Variants in KCNMA1 observed in about 807,000 individuals in gnomAD.
KCNMA1 encodes the protein Calcium-activated potassium channel subunit alpha-1.
Under a neutral mutation model 140.0 loss-of-function variants are expected in KCNMA1, and 29 were observed. The ratio of observed to expected loss-of-function variants is 0.21; its 90% confidence interval spans 0.15 to 0.28. The LOEUF (loss-of-function observed/expected upper bound fraction) is 0.28, where lower values mean the gene tolerates loss of function less well. Among genes scored for constraint, KCNMA1 ranks in the 10% least tolerant of loss-of-function variants. The probability of loss-of-function intolerance (pLI) is 1.00; values close to 1 mark genes in which losing one functional copy is unlikely to be tolerated. For synonymous variants in KCNMA1, 612 were observed against 611.9 expected (o/e 1.00, Z 0.00); for missense variants, 880 against 1,602.2 (o/e 0.55, Z 7.70).
At chr10:77,012,698 T>A (rs11001968) in intron 17 of KCNMA1, 2 of 689,102 alleles carry the variant, frequency 2.9e-6, no homozygotes, top group African/African-American at 1.8e-5. Flanking sequence ...CACTAAATGA[T>A]GGTTTTCTTC....
intron 21 of KCNMA1, among the ~76,000 whole-genome samples, chr10:76,950,970 C>T (rs2066033870): frequency 6.6e-6 from 1 of 152,196 alleles, no homozygotes; most frequent in Admixed American, 6.5e-5. Flanking sequence ...CACGGAAGTG[C>T]AAGTGCCTGG....
intron 2 of KCNMA1, among the ~76,000 whole-genome samples, chr10:77,331,346 C>A (rs586676): frequency 0.81 from 123,245 of 152,034 alleles, 50,064 homozygotes; most frequent in Middle Eastern, 0.9. Context: ...TGATGGCAAC[C>A]ATGGGTCAGT....
chr10:77,176,820 T>C (rs1053404355), intron 5 of KCNMA1, among the ~76,000 whole-genome samples: 2 of 152,106 alleles, frequency 1.3e-5, no homozygotes, highest in Admixed American at 1.3e-4. Context: ...GACCTGTGAA[T>C]ATGGTCATCT....
chr10:77,105,263 G>A (rs1401978601), intron 9 of KCNMA1, among the ~76,000 whole-genome samples: 2 of 152,154 alleles, frequency 1.3e-5, no homozygotes, highest in Admixed American at 6.5e-5. Context: ...TGGTGAAGAG[G>A]CTTTGAGAAT....
At chr10:77,566,575 C>T (rs191909035) in intron 1 of KCNMA1, among the ~76,000 whole-genome samples, 393 of 152,242 alleles carry the variant, frequency 2.6e-3, no homozygotes, top group Admixed American at 5.2e-3. Context: ...CCATTTCCCC[C>T]GCAAAGGTGG....
intron 20 of KCNMA1, among the ~76,000 whole-genome samples, chr10:76,962,204 G>A (rs374898582): frequency 1.8e-4 from 27 of 152,278 alleles, no homozygotes; most frequent in East Asian, 7.7e-4. Flanking sequence ...CAGTTCCTTC[G>A]GTGGCACTGG....
intron 2 of KCNMA1, among the ~76,000 whole-genome samples, chr10:77,271,276 C>T (rs1395770728): frequency 2.0e-5 from 3 of 152,230 alleles, no homozygotes; most frequent in Non-Finnish European, 4.4e-5. Flanking sequence ...GGGTACCATA[C>T]TGGGCAGACT....
chr10:77,619,726 G>A (rs2090805104), intron 1 of KCNMA1, among the ~76,000 whole-genome samples: 1 of 152,152 alleles, frequency 6.6e-6, no homozygotes, highest in South Asian at 2.1e-4. Flanking sequence ...GAGGAGACAG[G>A]ATGCCTGTAT....
downstream of KCNMA1, among the ~76,000 whole-genome samples, chr10:76,882,219 C>G (rs555838976): frequency 6.6e-6 from 1 of 152,148 alleles, no homozygotes; most frequent in African/African-American, 2.4e-5. Flanking sequence ...CACAGTACTC[C>G]CTTGAGAAGA....
chr10:76,925,544 T>C (rs1007725679), intron 23 of KCNMA1, among the ~76,000 whole-genome samples: 2 of 152,306 alleles, frequency 1.3e-5, no homozygotes, highest in Middle Eastern at 3.4e-3. Flanking sequence ...ACATCAATTT[T>C]TTTCTCCCCT....
chr10:76,952,315 T>C (rs927413603), intron 21 of KCNMA1, among the ~76,000 whole-genome samples: 1 of 151,980 alleles, frequency 6.6e-6, no homozygotes, highest in Non-Finnish European at 1.5e-5. Context: ...GCTCAAGAAA[T>C]CGAGACCATC....
intron 1 of KCNMA1, among the ~76,000 whole-genome samples, chr10:77,521,785 T>G (rs955441896): frequency 1.4e-4 from 22 of 152,120 alleles, no homozygotes; most frequent in African/African-American, 5.3e-4. Context: ...TCTCACCCCA[T>G]CTCCCAACAC....
intron 1 of KCNMA1, among the ~76,000 whole-genome samples, chr10:77,519,886 C>T (rs900636425): frequency 6.7e-6 from 1 of 149,870 alleles, no homozygotes; most frequent in African/African-American, 2.5e-5. Context: ...ATGAGGTCTG[C>T]AGTATGCAGT....
intron 23 of KCNMA1, among the ~76,000 whole-genome samples, chr10:76,934,992 C>T (rs1234678919): frequency 4.6e-5 from 7 of 152,260 alleles, no homozygotes; most frequent in South Asian, 4.1e-4. Flanking sequence ...CTTACAGCTC[C>T]GAAGTCCCAT....
intron 23 of KCNMA1, among the ~76,000 whole-genome samples, chr10:76,942,515 T>G (rs879094072): frequency 6.6e-6 from 1 of 152,224 alleles, no homozygotes; most frequent in Non-Finnish European, 1.5e-5. Context: ...CCATATCTCC[T>G]GTCAAAACCT....
chr10:77,596,197 C>A (rs949060600), intron 1 of KCNMA1, among the ~76,000 whole-genome samples: 6 of 152,134 alleles, frequency 3.9e-5, no homozygotes, highest in African/African-American at 1.4e-4. Context: ...TCTCGAATTG[C>A]CGAAGAAGCA....
intron 9 of KCNMA1, among the ~76,000 whole-genome samples, chr10:77,092,910 C>A (rs183882841): frequency 1.3e-4 from 20 of 152,284 alleles, no homozygotes; most frequent in Admixed American, 1.2e-3. Context: ...TGAGTTCCCC[C>A]CTCTCACCCT....
chr10:77,393,692 G>T (rs978305227), intron 2 of KCNMA1, among the ~76,000 whole-genome samples: 8 of 152,254 alleles, frequency 5.3e-5, no homozygotes, highest in African/African-American at 1.9e-4. Flanking sequence ...AAGAGCTGAA[G>T]TGAGTTTTGA....
chr10:77,075,616 T>G (rs1311558752), intron 13 of KCNMA1, among the ~76,000 whole-genome samples: 1 of 152,232 alleles, frequency 6.6e-6, no homozygotes, highest in East Asian at 1.9e-4. Flanking sequence ...TTTTGAGCTT[T>G]CTTTCTCACT....
Sources: gnomAD v4.1 joint callset for allele counts (sites outside exome capture counted in the v4.1 genomes callset) on GRCh38, gnomAD v4.1.1 for gene constraint, MANE v1.5 for transcripts, NCBI Gene and HGNC (gene_info 2026-07-23, HGNC 2026-07-21) for gene names.